MRTFA: variants seen among roughly 807,000 people sequenced by gnomAD.
MRTFA encodes myocardin related transcription factor A, also known as myocardin-related transcription factor A.
A neutral mutation model predicts 83.5 loss-of-function variants in MRTFA; 20 were observed. The observed-to-expected ratio is 0.24, with a 90% confidence interval of 0.17 to 0.35. MRTFA has a LOEUF of 0.35. MRTFA is among the 10% of genes least tolerant of loss of function. The pLI is 1.00. For missense variants in MRTFA, 1,200 were observed against 1,224.7 expected (o/e 0.98, Z 0.30); for synonymous variants, 659 against 541.2 (o/e 1.22, Z -3.02).
At chr22:40,518,500 A>G (rs923963264) in intron 3 of MRTFA, among the ~76,000 whole-genome samples, 1 of 152,024 alleles carries the variant, frequency 6.6e-6, no homozygotes, top group African/African-American at 2.4e-5. Context: ...GAGTACAGAA[A>G]AAAACAAAAC....
At chr22:40,459,822 C>CACACATATATATATATAT (rs1308675939) in intron 4 of MRTFA, among the ~76,000 whole-genome samples, 1 of 68,266 alleles carries the variant, frequency 1.5e-5, no homozygotes, top group South Asian at 6.6e-4. Flanking sequence ...CACACACACA[C>CACACATATATATATATAT]ATATATACAT....
chr22:40,509,839 A>G (rs2054637428), intron 3 of MRTFA, among the ~76,000 whole-genome samples: 1 of 152,020 alleles, frequency 6.6e-6, no homozygotes, highest in Non-Finnish European at 1.5e-5. Flanking sequence ...CCCTTAGGCA[A>G]ATTTCCAGCC....
intron 2 of MRTFA, among the ~76,000 whole-genome samples, chr22:40,577,752 A>G (rs1050828703): frequency 2.0e-5 from 3 of 151,432 alleles, no homozygotes; most frequent in East Asian, 2.0e-4. Context: ...GATTACAGGC[A>G]TACACCACCA....
chr22:40,472,658 T>C (rs1288127621), intron 3 of MRTFA, among the ~76,000 whole-genome samples: 1 of 152,202 alleles, frequency 6.6e-6, no homozygotes, highest in African/African-American at 2.4e-5. Context: ...TCAACTCCCA[T>C]CTCATGAAGT....
chr22:40,485,524 G>C (rs992078998), intron 3 of MRTFA, among the ~76,000 whole-genome samples: 1 of 152,148 alleles, frequency 6.6e-6, no homozygotes, highest in African/African-American at 2.4e-5. Flanking sequence ...AAAAGGAAAG[G>C]GGGGCAGGGC....
chr22:40,444,665 G>GC (rs2053342690), intron 4 of MRTFA, among the ~76,000 whole-genome samples: 1 of 152,140 alleles, frequency 6.6e-6, no homozygotes, highest in African/African-American at 2.4e-5. Flanking sequence ...TCGACGTGTA[G>GC]CCACCACATT....
At position 40,471,338 on chromosome 22, in the gene MRTFA, G is replaced by A. The variant is rs562274705; in HGVS notation, c.242-8052C>T. On this transcript the variant is annotated intron_variant, in intron 3 of 14. Coordinates refer to ENST00000355630, the MANE Select transcript of MRTFA (RefSeq NM_020831.6). ...GAATCGCTTGAACCTGGGAGGCAGAGGTTGCAGTGAGCCGAGATCATGCCA... is the reference window on the plus strand; with the variant it reads ...GAATCGCTTGAACCTGGGAGGCAGAAGTTGCAGTGAGCCGAGATCATGCCA... Among the ~76,000 whole-genome samples, 96 of 151,946 alleles carry A rather than the reference G, an allele frequency of 6.3e-4. 1 individual carries two copies. Among genetic ancestry groups the A allele is most frequent in the African/African-American group, 1.7e-3 (69 of 41,442 alleles).
chr22:40,635,846 GT>G (rs546481253), intron 1 of MRTFA, among the ~76,000 whole-genome samples: 2 of 152,324 alleles, frequency 1.3e-5, no homozygotes, highest in African/African-American at 4.8e-5. Flanking sequence ...CAGCTAGCAA[GT>G]GGCAGGTTTG....
intron 2 of MRTFA, among the ~76,000 whole-genome samples, chr22:40,575,555 C>T (rs538591416): frequency 6.6e-6 from 1 of 152,334 alleles, no homozygotes; most frequent in Admixed American, 6.5e-5. Flanking sequence ...CACTGTTCCA[C>T]ATCTTTGAAT....
In MRTFA at chr22:40,418,761, C is replaced by T. The variant is rs1200083445; in HGVS notation, c.1977G>A (p.Lys659=). The T allele has an allele frequency of 1.3e-6, 2 of 1,543,114 alleles. No individual in the cohort carries two copies. The highest frequency in any genetic ancestry group is 4.8e-5 in the East Asian group (2 of 41,898). Reference sequence around the variant, plus strand: ...GGGCGGGGGCGGGCTGCTGGGCTCGCTTCTCCTGCTCCAGCTGCAGCTTGA... The same window carrying T: ...GGGCGGGGGCGGGCTGCTGGGCTCGTTTCTCCTGCTCCAGCTGCAGCTTGA... The change falls in exon 12 of 15, where the codon AAG becomes AAA. Residue 659 remains lysine, a synonymous_variant. Transcript: ENST00000355630.
At position 40,410,289 on chromosome 22, in the gene MRTFA, C is replaced by CTGTG. The variant is rs199646302; in HGVS notation, c.*1097_*1100dup. ...GACTGAATAAGATGGACTAACAGGC[C>CTGTG]TGTGTTTTTGTGTTTATTTTAAAAA... On this transcript the variant is annotated 3_prime_UTR_variant, in exon 15 of 15. Coordinates refer to ENST00000355630, the MANE Select transcript of MRTFA (RefSeq NM_020831.6). The CTGTG allele has an allele frequency of 4.5e-4, 266 of 595,318 alleles. 1 individual carries two copies. In the East Asian group the frequency reaches 0.013, roughly 30 times the overall value. The allele number at this position is 595,318 out of a possible 1,614,324, so 36.9% of individuals were successfully genotyped here. A position where few individuals can be genotyped will look rare whatever the true frequency, so the allele number is the denominator to read the frequency against.
chr22:40,517,775 G>A (rs2054786219), intron 3 of MRTFA, among the ~76,000 whole-genome samples: 1 of 152,114 alleles, frequency 6.6e-6, no homozygotes, highest in African/African-American at 2.4e-5. Context: ...TTATGTTAAT[G>A]AGCTGACTTT....
intron 4 of MRTFA, among the ~76,000 whole-genome samples, chr22:40,447,848 A>C (rs948014200): frequency 6.6e-5 from 10 of 152,152 alleles, no homozygotes; most frequent in Admixed American, 4.6e-4. Flanking sequence ...TTGATTCCAA[A>C]TCTTTTTATT....
At chr22:40,470,722 G>A (rs1403476323) in intron 3 of MRTFA, among the ~76,000 whole-genome samples, 1 of 151,976 alleles carries the variant, frequency 6.6e-6, no homozygotes, top group Non-Finnish European at 1.5e-5. Flanking sequence ...GCCGAGAAAG[G>A]CAGATCACCT....
intron 3 of MRTFA, among the ~76,000 whole-genome samples, chr22:40,480,851 C>A (rs144965066): frequency 6.7e-6 from 1 of 149,738 alleles, no homozygotes; most frequent in East Asian, 2.0e-4. Context: ...CGGGTTCAAG[C>A]GATTCTCCTT....
chr22:40,599,853 T>G (rs746597853), intron 1 of MRTFA, among the ~76,000 whole-genome samples: 2 of 150,948 alleles, frequency 1.3e-5, no homozygotes, highest in Non-Finnish European at 2.9e-5. Flanking sequence ...GAGCTATGAT[T>G]ACACCACTGC....
chr22:40,593,504 C>T (rs2056149398), intron 2 of MRTFA, among the ~76,000 whole-genome samples: 1 of 152,016 alleles, frequency 6.6e-6, no homozygotes, highest in African/African-American at 2.4e-5. Context: ...AAAAGTAGAA[C>T]AATAGAAAAA....
intron 3 of MRTFA, among the ~76,000 whole-genome samples, chr22:40,542,212 C>G (rs1872691848): frequency 6.6e-6 from 1 of 152,204 alleles, no homozygotes; most frequent in Middle Eastern, 3.4e-3. Flanking sequence ...CCTCCCACCC[C>G]CTACCCCTGT....
chr22:40,513,808 A>T (rs1016018267), intron 3 of MRTFA, among the ~76,000 whole-genome samples: 4 of 152,006 alleles, frequency 2.6e-5, no homozygotes, highest in Admixed American at 1.3e-4. Context: ...ATAAGAGACA[A>T]CTTTTGGGCT....
Sources: allele counts gnomAD v4.1 joint callset (sites outside exome capture counted in the v4.1 genomes callset), GRCh38; gene constraint gnomAD v4.1.1; transcripts MANE v1.5; gene names NCBI Gene and HGNC (gene_info 2026-07-23, HGNC 2026-07-21).